The following RYR3 variants were observed in gnomAD, a reference collection of about 807,000 sequenced individuals.
RYR3 encodes ryanodine receptor 3.
A neutral mutation model predicts 584.3 loss-of-function variants in RYR3; 207 were observed. The observed-to-expected ratio is 0.35, with a 90% CI of 0.32 to 0.40. The LOEUF is 0.40. Ranked by LOEUF, RYR3 falls within the 10% of genes least tolerant of loss-of-function variation. The probability of loss-of-function intolerance (pLI) is 1.00; values close to 1 mark genes in which losing one functional copy is unlikely to be tolerated. For missense variants in RYR3, 5,616 were observed against 6,089.2 expected (o/e 0.92, Z 2.59); for synonymous variants, 2,416 against 2,248.5 (o/e 1.07, Z -2.11).
At chr15:33,397,169 C>G (rs911907133) in intron 1 of RYR3, among the ~76,000 whole-genome samples, 27 of 152,298 alleles carry the variant, frequency 1.8e-4, no homozygotes, top group African/African-American at 6.3e-4. Flanking sequence ...AGGTGCCCAT[C>G]CCCCAGGCTG....
chr15:33,702,818 G>A (rs937911156), intron 42 of RYR3, among the ~76,000 whole-genome samples: 8 of 152,220 alleles, frequency 5.3e-5, no homozygotes, highest in Middle Eastern at 3.4e-3. Flanking sequence ...ACAAAAAACA[G>A]GAAGAGGAGC....
At chr15:33,322,396 G>A (rs1018292295) in intron 1 of RYR3, among the ~76,000 whole-genome samples, 3 of 152,034 alleles carry the variant, frequency 2.0e-5, no homozygotes, top group East Asian at 1.9e-4. Flanking sequence ...ACTTTTAAAC[G>A]ACTAGATTTC....
At chr15:33,448,640 C>A (rs1469078844) in intron 1 of RYR3, among the ~76,000 whole-genome samples, 2 of 152,216 alleles carry the variant, frequency 1.3e-5, no homozygotes, top group African/African-American at 2.4e-5. Context: ...TGCTGCTAGA[C>A]CAAAGGTGAA....
chr15:33,605,505 A>G (rs2152559076), intron 18 of RYR3, among the ~76,000 whole-genome samples: 1 of 152,318 alleles, frequency 6.6e-6, no homozygotes, highest in South Asian at 2.1e-4. Context: ...GCTCTCTGAA[A>G]TGGCCTGCAC....
In RYR3 at chr15:33,696,361, A is replaced by G; in HGVS notation, c.6004A>G (p.Lys2002Glu). ...TGGGGAGCTGCTGCAGGCGCTGCGG[A>G]AGACCTACACCATCAGCCACACCTC... ...SIGELLQALR[K>E]TYTISHTSVS... The change falls in exon 39 of 104, where the codon AAG becomes GAG. Residue 2002 changes from lysine (K) to glutamate (E), a missense_variant. Physicochemically the swap from Lys to Glu is moderately conservative, Grantham distance 56. Coordinates refer to ENST00000634891, the MANE Select transcript of RYR3 (RefSeq NM_001036.6). The G allele has an allele frequency of 6.2e-7, 1 of 1,613,230 alleles. No homozygotes were observed. The highest frequency in any genetic ancestry group is 1.1e-5 in the South Asian group (1 of 91,030).
intron 19 of RYR3, among the ~76,000 whole-genome samples, chr15:33,621,620 T>A (rs1406228566): frequency 1.3e-5 from 2 of 152,202 alleles, no homozygotes; most frequent in African/African-American, 4.8e-5. Flanking sequence ...CAAGGGACAA[T>A]TGTGATTCTA....
intron 3 of RYR3, among the ~76,000 whole-genome samples, chr15:33,505,226 A>T (rs999300719): frequency 6.6e-6 from 1 of 152,220 alleles, no homozygotes; most frequent in Non-Finnish European, 1.5e-5. Context: ...TCTTGGGTAC[A>T]TCTAATCTCT....
rs763874440 is a variant in RYR3 at position 33,660,415 on chromosome 15, G to A, written c.4614G>A (p.Glu1538=). Residue 1538 remains glutamate, a synonymous_variant, in exon 34 of 104, where the codon GAG becomes GAA. Transcript: ENST00000634891. ...PLQMMALHIP[E]ENRCVDILEL... Reference sequence around the variant, plus strand: ...AGATGATGGCGCTCCACATCCCCGAGGAGAACAGGTACCAGAGGGGCCCGC... The same window carrying A: ...AGATGATGGCGCTCCACATCCCCGAAGAGAACAGGTACCAGAGGGGCCCGC... The A allele has an allele frequency of 8.0e-5, 125 of 1,561,992 alleles. No homozygotes were observed. Among genetic ancestry groups the A allele is most frequent in the Non-Finnish European group, 1.0e-4 (119 of 1,152,802 alleles).
rs1313137651 is a variant in RYR3 at position 33,865,506 on chromosome 15, C to CTAGTTCAG, written c.*282_*289dup. 11 of 367,830 alleles carry CTAGTTCAG rather than the reference C, an allele frequency of 3.0e-5. No homozygotes were observed. The highest frequency in any genetic ancestry group is 3.9e-5 in the Non-Finnish European group (8 of 202,908). 22.8% of individuals were successfully genotyped at this position (367,830 alleles called of 1,614,324 possible). A position where few individuals can be genotyped will look rare whatever the true frequency, so the allele number is the denominator to read the frequency against. On this transcript the variant is annotated 3_prime_UTR_variant, in exon 104 of 104. Coordinates refer to ENST00000634891, the MANE Select transcript of RYR3 (RefSeq NM_001036.6). ...TTCAAGTTTTCCAGTTCTGAGGTAA[C>CTAGTTCAG]TAGTTCAGTTTGTTGGGATGGAAGC...
Position 33,803,560 on chromosome 15 carries a change from A to C in RYR3, c.10011+1599A>C, listed in dbSNP as rs188474453. ...GAGATGGAGTCTCACTCTGTTGCCC[A>C]GCTGGAGTGCAGTGGCATGATCTCG... On this transcript the variant is annotated intron_variant, in intron 69 of 103. Coordinates refer to ENST00000634891, the MANE Select transcript of RYR3 (RefSeq NM_001036.6). Among the ~76,000 whole-genome samples the C allele has an allele frequency of 6.4e-3, 977 of 152,126 alleles. 5 individuals are homozygous for C. Among genetic ancestry groups the C allele is most frequent in the South Asian group, 0.028 (134 of 4,810 alleles).
intron 1 of RYR3, among the ~76,000 whole-genome samples, chr15:33,367,432 A>C (rs989269352): frequency 6.6e-5 from 10 of 152,176 alleles, no homozygotes; most frequent in Non-Finnish European, 1.0e-4. Flanking sequence ...GGTTTAGTTT[A>C]GGCAATGGAG....
At chr15:33,498,252 G>A (rs781481975) in intron 2 of RYR3, among the ~76,000 whole-genome samples, 4 of 152,100 alleles carry the variant, frequency 2.6e-5, no homozygotes, top group Non-Finnish European at 5.9e-5. Context: ...TGTGTTTTAA[G>A]GACCCTCCAT....
intron 16 of RYR3, among the ~76,000 whole-genome samples, 197 bp downstream of exon 16, chr15:33,586,313 G>A (rs948297456): frequency 1.1e-4 from 16 of 152,198 alleles, no homozygotes; most frequent in African/African-American, 2.9e-4. Context: ...GGATGGTGCC[G>A]TGGGTTTCCA....
intron 103 of RYR3, 165 bp from the exon 104 acceptor site, chr15:33,864,966 C>T (rs372450774): frequency 2.9e-5 from 16 of 560,370 alleles, no homozygotes; most frequent in African/African-American, 1.3e-4. Context: ...CTTCTTGCTT[C>T]CCAAACAGCC....
intron 1 of RYR3, among the ~76,000 whole-genome samples, chr15:33,317,774 C>A (rs1968399908): frequency 6.6e-6 from 1 of 152,160 alleles, no homozygotes; most frequent in Non-Finnish European, 1.5e-5. Flanking sequence ...ATGCACTTTT[C>A]CCCTCCTCTG....
intron 74 of RYR3, 92 bp downstream of exon 74, chr15:33,813,671 GA>G: frequency 9.4e-7 from 1 of 1,069,130 alleles, no homozygotes; most frequent in Non-Finnish European, 1.4e-6. Context: ...TTAATCCAAG[GA>G]ATAGAAATTG....
At chr15:33,515,326 C>G (rs192658402) in intron 3 of RYR3, among the ~76,000 whole-genome samples, 1 of 152,188 alleles carries the variant, frequency 6.6e-6, no homozygotes, top group African/African-American at 2.4e-5. Flanking sequence ...AACTGCTGTT[C>G]CCAGGCAACC....
At chr15:33,449,191 G>T (rs1044583925) in intron 1 of RYR3, among the ~76,000 whole-genome samples, 2 of 152,210 alleles carry the variant, frequency 1.3e-5, no homozygotes, top group Non-Finnish European at 2.9e-5. Context: ...CAAGGTGTCA[G>T]TGCGGGCTGT....
intron 1 of RYR3, among the ~76,000 whole-genome samples, chr15:33,461,598 C>T (rs1031732314): frequency 6.6e-6 from 1 of 152,100 alleles, no homozygotes; most frequent in Non-Finnish European, 1.5e-5. Context: ...ATGATCCTCG[C>T]CTTCTAAGCC....
Sources: allele counts gnomAD v4.1 joint callset (sites outside exome capture counted in the v4.1 genomes callset), GRCh38; gene constraint gnomAD v4.1.1; transcripts MANE v1.5; gene names NCBI Gene and HGNC (gene_info 2026-07-23, HGNC 2026-07-21).